Variants in PTPRN2 observed in about 807,000 individuals in gnomAD.
The protein encoded by PTPRN2 is protein tyrosine phosphatase receptor type N2, also known as receptor-type tyrosine-protein phosphatase N2.
PTPRN2 carries 74 observed loss-of-function variants against 118.8 expected under a neutral mutation model. That is an observed-to-expected ratio of 0.62 (90% CI 0.52 to 0.76). The LOEUF is 0.76. Ranked by LOEUF, PTPRN2 falls within the 30% of genes least tolerant of loss-of-function variation. The pLI, the probability that PTPRN2 is intolerant of heterozygous loss-of-function variation, is 0.00. For synonymous variants in PTPRN2, 641 were observed against 608.0 expected, an observed-to-expected ratio of 1.05 and a Z score of -0.80; for missense variants, 1,481 against 1,394.4, an observed-to-expected ratio of 1.06 and a Z score of -0.99.
chr7:158,188,802 C>T (rs192096067), intron 5 of PTPRN2, among the ~76,000 whole-genome samples: 7 of 152,190 alleles, frequency 4.6e-5, no homozygotes, highest in South Asian at 4.2e-4. Flanking sequence ...CAGAGCACTC[C>T]GGGGCGTGTG....
chr7:157,669,844 C>T (rs1416242682), intron 13 of PTPRN2, among the ~76,000 whole-genome samples: 1 of 152,188 alleles, frequency 6.6e-6, no homozygotes, highest in Non-Finnish European at 1.5e-5. Flanking sequence ...AGTCCCCACA[C>T]AACCTCGAGG....
chr7:157,656,355 AC>A lies in PTPRN2; in HGVS notation c.2196+1del. On this transcript the variant is annotated splice_donor_variant, in intron 14 of 22. Coordinates refer to ENST00000389418, the MANE Select transcript of PTPRN2 (RefSeq NM_002847.5). LOFTEE classifies it high-confidence loss of function. ...GGCAGGGAGTGCAAAGACTGGGCTT[AC>A]CAGGATCATGTGGCCGGTGGAGATG... is the stretch of plus-strand genomic sequence containing the variant. The A allele has an allele frequency of 6.5e-7, 1 of 1,548,278 alleles. No individual in the cohort carries two copies.
chr7:157,875,619 G>C (rs1304380003), intron 12 of PTPRN2, among the ~76,000 whole-genome samples: 1 of 152,196 alleles, frequency 6.6e-6, no homozygotes, highest in Non-Finnish European at 1.5e-5. Context: ...CTGATTGTGG[G>C]GCCATGGCCT....
chr7:157,984,432 TCCACGCCAGGCTCCACCCCCC>T (rs1160091326), intron 11 of PTPRN2, among the ~76,000 whole-genome samples: 1 of 1,668 alleles, frequency 6.0e-4, no homozygotes, highest in Non-Finnish European at 1.2e-3. Flanking sequence ...CACGCCAGGC[TCCACGCCAGGCTCCACCCCCC>T]CCACGCCAGG....
chr7:157,982,748 G>A (rs1461803021), intron 11 of PTPRN2, among the ~76,000 whole-genome samples: 9 of 134,216 alleles, frequency 6.7e-5, no homozygotes, highest in Admixed American at 7.3e-5. Flanking sequence ...GACGAGGAGG[G>A]GAATGCAGAG....
intron 12 of PTPRN2, among the ~76,000 whole-genome samples, chr7:157,703,464 C>T (rs1482925128): frequency 2.0e-5 from 3 of 152,190 alleles, no homozygotes. Flanking sequence ...TGGTCCACAC[C>T]AGGACCCCAG....
In PTPRN2 at chr7:157,903,237, G is replaced by A. The variant is rs1252786586; in HGVS notation, c.1724-4500C>T. 5.3e-5 allele frequency among the ~76,000 whole-genome samples: 8 copies of A among 152,162 alleles called. No individual in the cohort carries two copies. The highest frequency in any genetic ancestry group is 1.5e-5 in the Non-Finnish European group (1 of 68,012). On this transcript the variant is annotated intron_variant, in intron 11 of 22. Coordinates refer to ENST00000389418, the MANE Select transcript of PTPRN2 (RefSeq NM_002847.5). The surrounding 1 kb of genome is among the most constrained non-coding windows in gnomAD (Gnocchi z 4.2). ...ATCGGGTACTTACAGCCATAGAGATGGGAACAACAGACACGTAAGAGGGAA... is the reference window on the plus strand; with the variant it reads ...ATCGGGTACTTACAGCCATAGAGATAGGAACAACAGACACGTAAGAGGGAA...
At chr7:158,153,849 G>A (rs927067494) in intron 6 of PTPRN2, among the ~76,000 whole-genome samples, 2 of 151,642 alleles carry the variant, frequency 1.3e-5, no homozygotes, top group African/African-American at 2.4e-5. Context: ...GTGGTCGGGG[G>A]GACAGAGAGC....
At chr7:157,701,773 G>A (rs990998974) in intron 12 of PTPRN2, among the ~76,000 whole-genome samples, 3 of 152,150 alleles carry the variant, frequency 2.0e-5, no homozygotes, top group African/African-American at 4.8e-5. Context: ...TAACTGACAC[G>A]GGCTGTGGGT....
intron 3 of PTPRN2, among the ~76,000 whole-genome samples, chr7:158,280,313 G>A (rs1056008737): frequency 6.6e-6 from 1 of 152,254 alleles, no homozygotes; most frequent in Non-Finnish European, 1.5e-5. Flanking sequence ...ACCCCGTCGG[G>A]GGCCATGGCT....
In PTPRN2 at chr7:158,171,119, C is replaced by CATATATATACACATATATATACACACAT. The variant is rs201455022; in HGVS notation, c.550-3829_550-3828insATGTGTGTATATATATGTGTATATATAT. ...ATATATATACACATATATATACACACATATATACACATATATACACACATA... is the reference window on the plus strand; with the variant it reads ...ATATATATACACATATATATACACACATATATATACACATATATATACACACATATATATACACATATATACACACATA... On this transcript the variant is annotated intron_variant, in intron 5 of 22. Coordinates refer to ENST00000389418, the MANE Select transcript of PTPRN2 (RefSeq NM_002847.5). Among the ~76,000 whole-genome samples the CATATATATACACATATATATACACACAT allele has an allele frequency of 5.7e-4, 69 of 120,360 alleles. 7 individuals carry two copies. Among genetic ancestry groups the CATATATATACACATATATATACACACAT allele is most frequent in the African/African-American group, 2.1e-3 (66 of 30,822 alleles). The allele number at this position is 120,360 out of a possible 152,430, so 79.0% of individuals were successfully genotyped here.
At chr7:158,192,226 G>A in intron 5 of PTPRN2, 101 bp downstream of exon 5, 1 of 1,287,314 alleles carries the variant, frequency 7.8e-7, no homozygotes, top group Non-Finnish European at 1.0e-6. Flanking sequence ...CGGGAAACAG[G>A]CGCAAAGCCA....
intron 8 of PTPRN2, among the ~76,000 whole-genome samples, chr7:158,135,324 A>G (rs534153230): frequency 2.6e-5 from 4 of 152,342 alleles, no homozygotes; most frequent in Admixed American, 1.3e-4. Context: ...GTAGTGTGAT[A>G]AAAACACTGC....
At chr7:158,545,576 C>A (rs772054646) in intron 1 of PTPRN2, among the ~76,000 whole-genome samples, 1 of 152,160 alleles carries the variant, frequency 6.6e-6, no homozygotes, top group African/African-American at 2.4e-5. Context: ...CACCCCGCTC[C>A]GTGTGGCTGA....
At chr7:157,854,938 A>C (rs569898358) in intron 12 of PTPRN2, 140 of 160,962 alleles carry the variant, frequency 8.7e-4, no homozygotes, top group South Asian at 8.1e-3. Flanking sequence ...ATCGGGGAGG[A>C]TGGCTGTGCC....
intron 11 of PTPRN2, among the ~76,000 whole-genome samples, chr7:157,918,098 C>T (rs1183871402): frequency 1.3e-5 from 2 of 152,168 alleles, no homozygotes; most frequent in Non-Finnish European, 1.5e-5. Flanking sequence ...TTAGGTTCTG[C>T]GTTTTCTTAG....
chr7:158,320,635 C>A (rs867325627), intron 2 of PTPRN2, among the ~76,000 whole-genome samples: 2 of 152,266 alleles, frequency 1.3e-5, no homozygotes, highest in Non-Finnish European at 2.9e-5. Context: ...CGTTTGGCTG[C>A]TGTCATAGGT....
intron 1 of PTPRN2, among the ~76,000 whole-genome samples, chr7:158,557,375 C>T (rs1424673970): frequency 6.6e-6 from 1 of 151,928 alleles, no homozygotes; most frequent in African/African-American, 2.4e-5. Context: ...CAGGCGGCTC[C>T]CACGCAGTTT....
chr7:158,463,892 T>C (rs62480032), intron 2 of PTPRN2, among the ~76,000 whole-genome samples: 2 of 142,690 alleles, frequency 1.4e-5, no homozygotes, highest in South Asian at 2.4e-4. Flanking sequence ...ATCACCGTCA[T>C]CATCCTTACC....
Sources: gnomAD v4.1 joint callset for allele counts (sites outside exome capture counted in the v4.1 genomes callset) on GRCh38, gnomAD v4.1.1 for gene constraint, Gnocchi (gnomAD v3.1) non-coding constraint, MANE v1.5 for transcripts, NCBI Gene and HGNC (gene_info 2026-07-23, HGNC 2026-07-21) for gene names.